ONECUT1: variants seen among roughly 807,000 people sequenced by gnomAD.
ONECUT1 encodes the protein one cut homeobox 1, also known as hepatocyte nuclear factor 6.
A neutral mutation model predicts 25.6 loss-of-function variants in ONECUT1; 12 were observed. The observed-to-expected ratio is 0.47, with a 90% CI of 0.30 to 0.76. The LOEUF (loss-of-function observed/expected upper bound fraction) is 0.76. Among genes scored for constraint, ONECUT1 ranks in the 30% least tolerant of loss-of-function variants. The pLI is 0.07. For synonymous variants in ONECUT1, 285 were observed against 270.2 expected (o/e 1.05, Z -0.54); for missense variants, 620 against 651.2 (o/e 0.95, Z 0.52).
rs1361287954 is a variant in ONECUT1 at position 52,777,730 on chromosome 15, AC to A, written c.1105+11049del. Among the ~76,000 whole-genome samples, 43 of 128,056 alleles carry A rather than the reference AC, an allele frequency of 3.4e-4. No individual in the cohort carries two copies. In the South Asian group the frequency reaches 3.4e-3, roughly 10 times the overall value. 84.0% of individuals were successfully genotyped at this position (128,056 alleles called of 152,430 possible). ...CACACACACACACACACACACACAC[AC>A]ACACACAAAAAAACATGTAAAGTTA... On this transcript the variant is annotated intron_variant, in intron 1 of 1. Coordinates refer to ENST00000305901, the MANE Select transcript of ONECUT1 (RefSeq NM_004498.4).
At chr15:52,778,900 G>A (rs1037280659) in intron 1 of ONECUT1, among the ~76,000 whole-genome samples, 1 of 152,066 alleles carries the variant, frequency 6.6e-6, no homozygotes, top group South Asian at 2.1e-4. Flanking sequence ...TGAGACTGAG[G>A]CCCAGAAAGG....
At position 52,789,966 on chromosome 15, in the gene ONECUT1, C is replaced by T. The variant is rs899498449; in HGVS notation, c.-82G>A. Reference sequence around the variant, plus strand: ...CGAGGGGCGCACGGAGTCCGGTCTTCACATCGGCTGCTGGCGACTGTTGCC... The same window carrying T: ...CGAGGGGCGCACGGAGTCCGGTCTTTACATCGGCTGCTGGCGACTGTTGCC... On this transcript the variant is annotated 5_prime_UTR_variant, in exon 1 of 2. An upstream open reading frame in the 5' UTR loses its in-frame stop. Transcript: ENST00000305901. The surrounding 1 kb of genome is among the most constrained non-coding windows in gnomAD (Gnocchi z 4.1). 6 of 1,447,386 alleles carry T rather than the reference C, an allele frequency of 4.1e-6. No homozygotes were observed. The African/African-American group carries it at 7.4e-5, about 18-fold the overall frequency. The allele number at this position is 1,447,386 out of a possible 1,614,324, so 89.7% of individuals were successfully genotyped here.
chr15:52,776,799 T>G (rs751096962), intron 1 of ONECUT1, among the ~76,000 whole-genome samples: 2 of 152,242 alleles, frequency 1.3e-5, no homozygotes, highest in Non-Finnish European at 2.9e-5. Context: ...GCCTAGTGCC[T>G]GGCACATAGG....
chr15:52,781,184 G>C (rs1336040237), intron 1 of ONECUT1: 1 of 152,968 alleles, frequency 6.5e-6, no homozygotes, highest in Non-Finnish European at 1.5e-5. Flanking sequence ...GCAAGGGACC[G>C]AATGGACCAG....
At position 52,770,786 on chromosome 15, in the gene ONECUT1, A is replaced by G. The variant is rs28377697; in HGVS notation, c.1106-12939T>C. ...ATTGAGAAGCAGTTGTAAAATACAC[A>G]ATAATTTCTTTATACAAATCACTCA... is the stretch of plus-strand genomic sequence containing the variant. On this transcript the variant is annotated intron_variant, in intron 1 of 1. Coordinates refer to ENST00000305901, the MANE Select transcript of ONECUT1 (RefSeq NM_004498.4). 7.7e-3 allele frequency among the ~76,000 whole-genome samples: 1,172 copies of G among 152,338 alleles called. 18 individuals are homozygous for G. The highest frequency in any genetic ancestry group is 0.027 in the African/African-American group (1,107 of 41,568).
chr15:52,765,627 C>A (rs1416476538), intron 1 of ONECUT1, among the ~76,000 whole-genome samples: 1 of 152,196 alleles, frequency 6.6e-6, no homozygotes, highest in Non-Finnish European at 1.5e-5. Context: ...GCAAACATGG[C>A]AGGACTGTTC....
In ONECUT1 at chr15:52,756,919, T is replaced by C. The variant is rs1467506253; in HGVS notation, c.*636A>G. ...CTCATGTTTCATTTCTTAAAAAATA[T>C]CTGAACATTCCTTAACAAACAAAGA... On this transcript the variant is annotated 3_prime_UTR_variant, in exon 2 of 2. Transcript: ENST00000305901. 1 of 152,206 alleles carries C rather than the reference T, an allele frequency of 6.6e-6. No individual in the cohort carries two copies. Among genetic ancestry groups the C allele is most frequent in the East Asian group, 1.9e-4 (1 of 5,202 alleles). The allele number at this position is 152,206 out of a possible 1,614,324, so 9.4% of individuals were successfully genotyped here.
At chr15:52,768,392 C>A (rs2083747592) in intron 1 of ONECUT1, among the ~76,000 whole-genome samples, 1 of 152,096 alleles carries the variant, frequency 6.6e-6, no homozygotes, top group Non-Finnish European at 1.5e-5. Flanking sequence ...TTCTAAATTC[C>A]TAAACTTCTG....
Position 52,789,256 on chromosome 15 carries a change from TCGGTGGGCATGG to T in ONECUT1, c.617_628del (p.Ala206_Thr209del). The stretch of plus-strand genomic sequence containing the variant: ...GAAGCCGTTGGGGGTGAGCATCTTG[TCGGTGGGCATGG>T]CGGCCCCCGGGTGGGCATAGTGGGG... On this transcript the variant is annotated inframe_deletion, in exon 1 of 2. Coordinates refer to ENST00000305901, the MANE Select transcript of ONECUT1 (RefSeq NM_004498.4). This position sits in a 1 kb window ranked among gnomAD's most constrained non-coding sequence, Gnocchi z 4.1. 6.5e-7 allele frequency: 1 copy of T among 1,547,268 alleles called. No homozygotes were observed. The highest frequency in any genetic ancestry group is 8.7e-7 in the Non-Finnish European group (1 of 1,147,250).
At chr15:52,767,884 G>C (rs2083744023) in intron 1 of ONECUT1, among the ~76,000 whole-genome samples, 1 of 152,166 alleles carries the variant, frequency 6.6e-6, no homozygotes, top group South Asian at 2.1e-4. Context: ...CTTGTCATTT[G>C]CAGCAACACG....
At position 52,760,181 on chromosome 15, in the gene ONECUT1, C is replaced by T. The variant is rs531952017; in HGVS notation, c.1106-2334G>A. On this transcript the variant is annotated intron_variant, in intron 1 of 1. Coordinates refer to ENST00000305901, the MANE Select transcript of ONECUT1 (RefSeq NM_004498.4). ...TGCCCACCATGAGGGGCGGCATCAA[C>T]CTAACGGGCAGTATTATTAAATGTC... Among the ~76,000 whole-genome samples, 8 of 152,284 alleles carry T rather than the reference C, an allele frequency of 5.3e-5. No homozygotes were observed. In the South Asian group the frequency reaches 1.7e-3, roughly 32 times the overall value.
chr15:52,780,570 A>T, intron 1 of ONECUT1: 1 of 1,532,126 alleles, frequency 6.5e-7, no homozygotes, highest in East Asian at 2.4e-5. Context: ...AATTGAAAGG[A>T]CATTTAATAG....
intron 1 of ONECUT1, among the ~76,000 whole-genome samples, chr15:52,759,159 A>C (rs1232799749): frequency 6.6e-6 from 1 of 152,144 alleles, no homozygotes; most frequent in African/African-American, 2.4e-5. Context: ...AGGGATTGCC[A>C]TTCTTCCATA....
In ONECUT1 at chr15:52,784,991, C is replaced by A. The variant is rs941212017; in HGVS notation, c.1105+3789G>T. Among the ~76,000 whole-genome samples, 1 of 152,226 alleles carries A rather than the reference C, an allele frequency of 6.6e-6. No homozygotes were observed. The highest frequency in any genetic ancestry group is 1.5e-5 in the Non-Finnish European group (1 of 68,044). On this transcript the variant is annotated intron_variant, in intron 1 of 1. Transcript: ENST00000305901. The surrounding 1 kb of genome is among the most constrained non-coding windows in gnomAD (Gnocchi z 5.0). ...CAGCTGCGCGACACCAGACCCACAG[C>A]GCCAAGACGCGAAGCGCGAGGAAAC... is the stretch of plus-strand genomic sequence containing the variant.
chr15:52,780,540 C>T (rs2083834017), intron 1 of ONECUT1: 1 of 1,494,184 alleles, frequency 6.7e-7, no homozygotes, highest in South Asian at 1.2e-5. Context: ...ACTTTAACTG[C>T]ATCTTAATTA....
At chr15:52,775,170 A>G (rs1462758027) in intron 1 of ONECUT1, among the ~76,000 whole-genome samples, 1 of 141,850 alleles carries the variant, frequency 7.0e-6, no homozygotes, top group Non-Finnish European at 1.5e-5. Flanking sequence ...AGCCTGGGTG[A>G]CAGAGCAAGA....
intron 1 of ONECUT1, among the ~76,000 whole-genome samples, chr15:52,783,690 A>G (rs2083855536): frequency 6.6e-6 from 1 of 152,224 alleles, no homozygotes; most frequent in Non-Finnish European, 1.5e-5. Flanking sequence ...CGGGTATTAT[A>G]TCCCTCAGCT....
chr15:52,761,323 C>G (rs1236032493), intron 1 of ONECUT1, among the ~76,000 whole-genome samples: 1 of 152,210 alleles, frequency 6.6e-6, no homozygotes, highest in South Asian at 2.1e-4. Flanking sequence ...GAATGCACAT[C>G]TCAGAAACTC....
At chr15:52,762,941 G>A (rs2083714253) in intron 1 of ONECUT1, among the ~76,000 whole-genome samples, 1 of 152,134 alleles carries the variant, frequency 6.6e-6, no homozygotes, top group East Asian at 1.9e-4. Context: ...CCCCCAATTG[G>A]AGGTTATGAG....
Sources: allele counts gnomAD v4.1 joint callset (sites outside exome capture counted in the v4.1 genomes callset), GRCh38; gene constraint gnomAD v4.1.1; non-coding constraint Gnocchi (gnomAD v3.1); transcripts MANE v1.5; gene names NCBI Gene and HGNC (gene_info 2026-07-23, HGNC 2026-07-21).